DAB2: variants seen among roughly 807,000 people sequenced by gnomAD.
DAB2 encodes the protein DAB adaptor protein 2.
A neutral mutation model predicts 71.6 loss-of-function variants in DAB2; 28 were observed. That is an observed-to-expected ratio of 0.39 (90% CI 0.29 to 0.54). The LOEUF (loss-of-function observed/expected upper bound fraction) is 0.54, where lower values mean the gene tolerates loss of function less well. Ranked by LOEUF, DAB2 falls within the 20% of genes least tolerant of loss-of-function variation. The probability of loss-of-function intolerance (pLI) is 0.68; values close to 1 mark genes in which losing one functional copy is unlikely to be tolerated. For missense variants in DAB2, 867 were observed against 928.8 expected, an observed-to-expected ratio of 0.93 and a Z score of 0.86; for synonymous variants, 345 against 339.7, an observed-to-expected ratio of 1.02 and a Z score of -0.17.
intron 1 of DAB2, chr5:39,408,455 G>A (rs555213254): frequency 3.9e-5 from 6 of 152,148 alleles, no homozygotes; most frequent in Non-Finnish European, 5.9e-5. Flanking sequence ...TGATCTATTC[G>A]AGTTGGGGAA....
intron 13 of DAB2, 39 bp from the exon 14 acceptor site, chr5:39,375,123 C>T (rs1030906954): frequency 2.0e-6 from 3 of 1,476,378 alleles, no homozygotes; most frequent in Admixed American, 1.9e-5. Flanking sequence ...AATACAGTTA[C>T]AGTCATAAGA....
chr5:39,392,842 G>A (rs930140930), intron 3 of DAB2, among the ~76,000 whole-genome samples: 5 of 152,284 alleles, frequency 3.3e-5, no homozygotes, highest in South Asian at 2.1e-4. Flanking sequence ...AAAGGCTAGC[G>A]CTAAGGAACA....
Position 39,383,072 on chromosome 5 carries a change from C to T in DAB2, c.887G>A (p.Arg296His), listed in dbSNP as rs544112117. 2.7e-5 allele frequency: 44 copies of T among 1,613,790 alleles called. No homozygotes were observed. The highest frequency in any genetic ancestry group is 2.0e-4 in the East Asian group (9 of 44,866). ...FFPTPNPDPF[R>H]DDPFTQPDQS... ...GTCTGGCTGTGTGAAAGGATCGTCA[C>T]GGAAAGGATCAGGATTAGGGGTGGG... The change falls in exon 10 of 15, where the codon CGT (arginine) becomes CAT (histidine). Residue 296 changes from arginine (R) to histidine (H), a missense_variant. This residue lies in a region of DAB2 where 740 missense variants were observed against 734.3 expected (regional missense o/e 1.01). Coordinates refer to ENST00000320816, the MANE Select transcript of DAB2 (RefSeq NM_001343.4).
rs541276306 is a variant in DAB2, at chr5:39,381,439, T to C, written c.1504+15A>G. 1.9e-5 allele frequency: 31 copies of C among 1,607,224 alleles called. No homozygotes were observed. In the East Asian group the frequency reaches 5.6e-4, roughly 29 times the overall value. On this transcript the variant is annotated intron_variant, in intron 11 of 14. Transcript: ENST00000320816. The stretch of plus-strand genomic sequence containing the variant: ...AGCAAAAGAGTCATACTTAATTTTA[T>C]CTCTAGGCACCTACCTAGACCCACC...
rs1034895124 is a variant in DAB2, at chr5:39,371,965, T to A, written c.*1466A>T. On this transcript the variant is annotated 3_prime_UTR_variant, in exon 15 of 15. Coordinates refer to ENST00000320816, the MANE Select transcript of DAB2 (RefSeq NM_001343.4). ...AACATAAAACCACAGGACTTTCTAC[T>A]TGGGGCTAATCAATAGAGGGTCATG... 1 of 152,208 alleles carries A rather than the reference T, an allele frequency of 6.6e-6. No individual in the cohort carries two copies. Among genetic ancestry groups the A allele is most frequent in the African/African-American group, 2.4e-5 (1 of 41,450 alleles). 9.4% of individuals were successfully genotyped at this position (152,208 alleles called of 1,614,324 possible). A position where few individuals can be genotyped will look rare whatever the true frequency, so the allele number is the denominator to read the frequency against.
Position 39,388,862 on chromosome 5 carries a change from T to C in DAB2, c.571-10A>G. ...GGGCCTCACTCCCATTCTGAAAAGA[T>C]AGCAAATATTTAAGGATTTAGTTGA... is the stretch of plus-strand genomic sequence containing the variant. On this transcript the variant is annotated splice_polypyrimidine_tract_variant and intron_variant, in intron 7 of 14. Transcript: ENST00000320816. 6.2e-7 allele frequency: 1 copy of C among 1,609,326 alleles called. No homozygotes were observed. Among genetic ancestry groups the C allele is most frequent in the South Asian group, 1.1e-5 (1 of 90,946 alleles).
intron 1 of DAB2, among the ~76,000 whole-genome samples, chr5:39,405,520 C>A (rs757211285): frequency 2.6e-5 from 4 of 152,202 alleles, no homozygotes; most frequent in Admixed American, 1.3e-4. Context: ...CTATGACCTG[C>A]TTTACATCAG....
At chr5:39,407,361 A>C (rs764258798) in intron 1 of DAB2, among the ~76,000 whole-genome samples, 1 of 152,212 alleles carries the variant, frequency 6.6e-6, no homozygotes, top group Non-Finnish European at 1.5e-5. Context: ...TCGGGACTAC[A>C]GGTGCTTGCC....
intron 1 of DAB2, among the ~76,000 whole-genome samples, chr5:39,409,476 T>C (rs1755673635): frequency 6.6e-6 from 1 of 152,240 alleles, no homozygotes; most frequent in Non-Finnish European, 1.5e-5. Context: ...AAAGGTTCAC[T>C]TATTAATACA....
At chr5:39,391,651 G>T in intron 4 of DAB2, among the ~76,000 whole-genome samples, 1 of 152,044 alleles carries the variant, frequency 6.6e-6, no homozygotes, top group East Asian at 1.9e-4. Flanking sequence ...TAAAAAACAT[G>T]AGTCTTATGA....
chr5:39,375,206 C>T, intron 13 of DAB2, 122 bp from the exon 14 acceptor site: 1 of 679,672 alleles, frequency 1.5e-6, no homozygotes, highest in Non-Finnish European at 2.6e-6. Context: ...GCCAATCAAA[C>T]ATTATATGGG....
Position 39,376,882 on chromosome 5 carries a change from A to G in DAB2, c.1905T>C (p.Asp635=). The G allele has an allele frequency of 6.2e-7, 1 of 1,614,114 alleles. No individual in the cohort carries two copies. The highest frequency in any genetic ancestry group is 8.5e-7 in the Non-Finnish European group (1 of 1,180,000). The change falls in exon 12 of 15, where the codon GAT becomes GAC. Residue 635 remains aspartate (D), a synonymous_variant. Transcript: ENST00000320816. ...CAAGTGGGTCTAAGGCAGTGAAGGC[A>G]TCACTGGAGATGTCCTTGGGAGGGC... ...RAGPPKDISS[D]AFTALDPLGD... is the part of the protein sequence containing the mutation.
At chr5:39,414,496 C>T (rs559545365) in intron 1 of DAB2, among the ~76,000 whole-genome samples, 1 of 152,012 alleles carries the variant, frequency 6.6e-6, no homozygotes, top group African/African-American at 2.4e-5. Context: ...CTATTCACCA[C>T]AATTCTTATT....
At chr5:39,389,030 C>A in intron 7 of DAB2, 67 bp downstream of exon 7, 1 of 1,487,536 alleles carries the variant, frequency 6.7e-7, no homozygotes, top group Non-Finnish European at 9.4e-7. Context: ...AGTGGTTGGG[C>A]AGGTAGAAAA....
chr5:39,390,203 G>A (rs189712667), intron 5 of DAB2, among the ~76,000 whole-genome samples: 1 of 152,280 alleles, frequency 6.6e-6, no homozygotes, highest in Admixed American at 6.5e-5. Flanking sequence ...CACCACTGTT[G>A]TGAAGTCAGT....
chr5:39,417,981 G>C (rs1209024236), intron 1 of DAB2: 1 of 152,160 alleles, frequency 6.6e-6, no homozygotes, highest in Non-Finnish European at 1.5e-5. Context: ...ACAATTGATG[G>C]AAAAGCCTGT....
chr5:39,384,587 C>T (rs1755053702), intron 9 of DAB2, among the ~76,000 whole-genome samples: 1 of 151,948 alleles, frequency 6.6e-6, no homozygotes, highest in Non-Finnish European at 1.5e-5. Flanking sequence ...TAATTCTATC[C>T]CCTCTCTATC....
chr5:39,405,254 A>C lies in DAB2; in HGVS notation c.-101-10833T>G, dbSNP rs143507487. Among the ~76,000 whole-genome samples, 207 of 152,330 alleles carry C rather than the reference A, an allele frequency of 1.4e-3. 1 individual carries two copies. The highest frequency in any genetic ancestry group is 4.8e-3 in the African/African-American group (201 of 41,584). On this transcript the variant is annotated intron_variant, in intron 1 of 14. Transcript: ENST00000320816. ...GAATTTTTGTGAATATGGACATATG[A>C]GGCTTGAGGTTGAATTAATTGGCAT...
At chr5:39,409,491 AAC>A (rs1755673980) in intron 1 of DAB2, among the ~76,000 whole-genome samples, 2 of 152,210 alleles carry the variant, frequency 1.3e-5, no homozygotes, top group South Asian at 4.1e-4. Flanking sequence ...AATACAATAA[AAC>A]ACCGACTTAA....
Sources: gnomAD v4.1 joint callset for allele counts (sites outside exome capture counted in the v4.1 genomes callset) on GRCh38, gnomAD v4.1.1 for gene constraint, gnomAD v4.1.1 regional missense constraint, MANE v1.5 for transcripts, NCBI Gene and HGNC (gene_info 2026-07-23, HGNC 2026-07-21) for gene names.